Variants in ZDHHC21 observed in about 807,000 individuals in gnomAD.
ZDHHC21 encodes palmitoyltransferase ZDHHC21.
Under a neutral mutation model 34.6 loss-of-function variants are expected in ZDHHC21, and 15 were observed. That is an observed-to-expected ratio of 0.43 (90% confidence interval 0.29 to 0.67). The LOEUF is 0.67. ZDHHC21 is among the 30% of genes least tolerant of loss of function. The pLI is 0.14. For missense variants in ZDHHC21, 344 were observed against 327.7 expected (o/e 1.05, Z -0.38); for synonymous variants, 142 against 101.8 (o/e 1.40, Z -2.38).
chr9:14,626,192 G>C lies in ZDHHC21; in HGVS notation c.622-6510C>G, dbSNP rs115236559. Among the ~76,000 whole-genome samples the C allele has an allele frequency of 4.3e-3, 661 of 152,026 alleles. 7 individuals are homozygous for C. Among genetic ancestry groups the C allele is most frequent in the African/African-American group, 0.015 (634 of 41,530 alleles). On this transcript the variant is annotated intron_variant, in intron 8 of 9. Coordinates refer to ENST00000380916, the MANE Select transcript of ZDHHC21 (RefSeq NM_178566.6). Reference sequence around the variant, plus strand: ...GGGCATTTAACATGCCCCTTTGGCTGAGATTCAGGGAATAATAATATATCA... The same window carrying C: ...GGGCATTTAACATGCCCCTTTGGCTCAGATTCAGGGAATAATAATATATCA...
the ZDHHC21 span, chr9:14,593,983 C>G: frequency 2.0e-5 from 3 of 152,220 alleles, no homozygotes; most frequent in Non-Finnish European, 4.4e-5. Flanking sequence ...GGCCTAGTTT[C>G]TGAACTTTCC....
intron 8 of ZDHHC21, among the ~76,000 whole-genome samples, chr9:14,639,373 GC>G (rs1828902904): frequency 6.6e-6 from 1 of 152,050 alleles, no homozygotes; most frequent in South Asian, 2.1e-4. Flanking sequence ...CATGGGTGGA[GC>G]GGGGGACGAA....
rs1404717224 is a variant in ZDHHC21 at position 14,613,827 on chromosome 9, G to GT, written c.*5138dup. 1 of 151,624 alleles carries GT rather than the reference G, an allele frequency of 6.6e-6. No individual in the cohort carries two copies. The allele number at this position is 151,624 out of a possible 1,614,324, so 9.4% of individuals were successfully genotyped here. On this transcript the variant is annotated 3_prime_UTR_variant, in exon 10 of 10. Transcript: ENST00000380916. ...TAAGAGATTTCCAGAAAAGGTGCCA[G>GT]TTTTTTCAAACTTTGGTCAACCTAT...
chr9:14,684,470 A>C (rs933736783), intron 2 of ZDHHC21, among the ~76,000 whole-genome samples: 13 of 146,808 alleles, frequency 8.9e-5, no homozygotes, highest in African/African-American at 1.3e-4. Context: ...AAAGAGAATA[A>C]AATACCTAGG....
At chr9:14,673,659 A>G (rs114325538) in intron 4 of ZDHHC21, among the ~76,000 whole-genome samples, 1,961 of 152,110 alleles carry the variant, frequency 0.013, 49 homozygotes, top group African/African-American at 0.045. Context: ...GGTCAAAATG[A>G]GGTAATGTGC....
At chr9:14,659,359 C>G (rs1438470982) in intron 6 of ZDHHC21, among the ~76,000 whole-genome samples, 2 of 152,140 alleles carry the variant, frequency 1.3e-5, no homozygotes, top group East Asian at 3.9e-4. Context: ...GACATAACTG[C>G]TAAGCATTCA....
At chr9:14,686,270 G>A (rs917382839) in intron 2 of ZDHHC21, among the ~76,000 whole-genome samples, 2 of 151,860 alleles carry the variant, frequency 1.3e-5, no homozygotes, top group Admixed American at 6.6e-5. Flanking sequence ...GCAGATCTGG[G>A]AGAATTTAAA....
intron 7 of ZDHHC21, among the ~76,000 whole-genome samples, chr9:14,651,589 C>A (rs2133838467): frequency 6.6e-6 from 1 of 151,874 alleles, no homozygotes; most frequent in East Asian, 1.9e-4. Flanking sequence ...AAGTAATACA[C>A]AAATCCAGAA....
chr9:14,656,926 T>G (rs535731236), intron 7 of ZDHHC21, among the ~76,000 whole-genome samples: 122 of 152,134 alleles, frequency 8.0e-4, no homozygotes, highest in African/African-American at 2.7e-3. Flanking sequence ...TCCTGATATT[T>G]TTAATCTCTT....
chr9:14,659,023 T>C (rs999821669), intron 6 of ZDHHC21, 136 bp from the exon 7 acceptor site: 1 of 820,940 alleles, frequency 1.2e-6, no homozygotes, highest in Admixed American at 2.9e-5. Flanking sequence ...CACTTGAAGG[T>C]AAAAACAAAC....
intron 5 of ZDHHC21, among the ~76,000 whole-genome samples, chr9:14,668,526 A>T (rs1326224269): frequency 7.2e-6 from 1 of 139,322 alleles, no homozygotes; most frequent in Non-Finnish European, 1.5e-5. Context: ...GGAACCAAAA[A>T]AGAGCCCGCA....
rs41306288 is a variant in ZDHHC21 at position 14,616,456 on chromosome 9, G to A, written c.*2510C>T. 1 of 151,538 alleles carries A rather than the reference G, an allele frequency of 6.6e-6. No individual in the cohort carries two copies. The highest frequency in any genetic ancestry group is 2.1e-4 in the South Asian group (1 of 4,820). 9.4% of individuals were successfully genotyped at this position (151,538 alleles called of 1,614,324 possible). A position where few individuals can be genotyped will look rare whatever the true frequency, so the allele number is the denominator to read the frequency against. ...CATTTTCATAAAATTTTACATTTTT[G>A]TACATACACTCCTCCTAAGTTTGTA... On this transcript the variant is annotated 3_prime_UTR_variant, in exon 10 of 10. Transcript: ENST00000380916.
chr9:14,668,702 A>T (rs1243056421), intron 5 of ZDHHC21, among the ~76,000 whole-genome samples: 6 of 141,346 alleles, frequency 4.2e-5, no homozygotes, highest in East Asian at 2.1e-4. Context: ...ATGCCGCATA[A>T]CTACAACTAT....
In ZDHHC21 at chr9:14,612,749, C is replaced by T. The variant is rs984818708; in HGVS notation, c.*6217G>A. The stretch of plus-strand genomic sequence containing the variant: ...CTCTCTCTCTATATATCTACACACA[C>T]ATATGTACACATACATATATTTTAA... On this transcript the variant is annotated 3_prime_UTR_variant, in exon 10 of 10. Coordinates refer to ENST00000380916, the MANE Select transcript of ZDHHC21 (RefSeq NM_178566.6). 1 of 151,412 alleles carries T rather than the reference C, an allele frequency of 6.6e-6. No homozygotes were observed. The highest frequency in any genetic ancestry group is 2.4e-5 in the African/African-American group (1 of 41,272). 9.4% of individuals were successfully genotyped at this position (151,412 alleles called of 1,614,324 possible).
chr9:14,618,703 G>T lies in ZDHHC21; in HGVS notation c.*263C>A. 3.3e-6 allele frequency: 1 copy of T among 307,652 alleles called. No individual in the cohort carries two copies. Among genetic ancestry groups the T allele is most frequent in the Non-Finnish European group, 5.9e-6 (1 of 169,672 alleles). 19.1% of individuals were successfully genotyped at this position (307,652 alleles called of 1,614,324 possible). A position where few individuals can be genotyped will look rare whatever the true frequency, so the allele number is the denominator to read the frequency against. On this transcript the variant is annotated 3_prime_UTR_variant, in exon 10 of 10. Transcript: ENST00000380916. ...TATTTCATCCTAATCACTGCCTTTT[G>T]AGTTTAATAACAAAAGCATTTCAAG...
intron 8 of ZDHHC21, among the ~76,000 whole-genome samples, chr9:14,626,845 G>GT (rs1387087624): frequency 6.6e-6 from 1 of 151,740 alleles, no homozygotes; most frequent in Non-Finnish European, 1.5e-5. Context: ...AACTTTCTAG[G>GT]TTTTAAAAAA....
At chr9:14,656,304 A>T (rs959845796) in intron 7 of ZDHHC21, among the ~76,000 whole-genome samples, 3 of 151,930 alleles carry the variant, frequency 2.0e-5, no homozygotes, top group Non-Finnish European at 4.4e-5. Context: ...TATTAAACTT[A>T]AGTAGGTTAG....
At chr9:14,633,246 C>G (rs181040499) in intron 8 of ZDHHC21, among the ~76,000 whole-genome samples, 4 of 152,228 alleles carry the variant, frequency 2.6e-5, no homozygotes, top group Admixed American at 2.6e-4. Context: ...TGAATGGAAA[C>G]ACCATCCTAA....
the ZDHHC21 span, among the ~76,000 whole-genome samples, chr9:14,591,126 A>T: frequency 1.3e-5 from 2 of 152,186 alleles, no homozygotes; most frequent in Non-Finnish European, 2.9e-5. Flanking sequence ...CAATAGTGGG[A>T]ATAAAATGGG....
Sources: gnomAD v4.1 joint callset for allele counts (sites outside exome capture counted in the v4.1 genomes callset) on GRCh38, gnomAD v4.1.1 for gene constraint, MANE v1.5 for transcripts, NCBI Gene and HGNC (gene_info 2026-07-23, HGNC 2026-07-21) for gene names.